NDUFA10: variants seen among roughly 807,000 people sequenced by gnomAD.
The protein encoded by NDUFA10 is NADH:ubiquinone oxidoreductase subunit A10.
A neutral mutation model predicts 47.8 loss-of-function variants in NDUFA10; 40 were observed. The ratio of observed to expected loss-of-function variants is 0.84; its 90% CI spans 0.65 to 1.09. The LOEUF (loss-of-function observed/expected upper bound fraction) is 1.09. Ranked by LOEUF, NDUFA10 falls within the 50% of genes least tolerant of loss-of-function variation. NDUFA10 has a pLI of 0.00. For synonymous variants in NDUFA10, 183 were observed against 172.2 expected (o/e 1.06, Z -0.49); for missense variants, 413 against 451.1 (o/e 0.92, Z 0.76).
Position 239,960,024 on chromosome 2 carries a change from C to T in NDUFA10, c.*1094G>A, listed in dbSNP as rs1328154740. On this transcript the variant is annotated 3_prime_UTR_variant, in exon 10 of 10. Coordinates refer to ENST00000252711, the MANE Select transcript of NDUFA10 (RefSeq NM_004544.4). ...TGGAGTGCCTGAACTATGGCCAGTG[C>T]AACCAAGGAACCCAATTTTAAACTC... The T allele has an allele frequency of 4.1e-6, 4 of 984,594 alleles. No individual in the cohort carries two copies. The African/African-American group carries it at 7.0e-5, about 17-fold the overall frequency. 61.0% of individuals were successfully genotyped at this position (984,594 alleles called of 1,614,324 possible). A position where few individuals can be genotyped will look rare whatever the true frequency, so the allele number is the denominator to read the frequency against.
At chr2:239,981,869 C>T (rs1695790408) in intron 9 of NDUFA10, among the ~76,000 whole-genome samples, 1 of 151,570 alleles carries the variant, frequency 6.6e-6, no homozygotes, top group African/African-American at 2.4e-5. Flanking sequence ...ATGTTAATGG[C>T]AGAATTTGGC....
intron 4 of NDUFA10, among the ~76,000 whole-genome samples, chr2:239,895,688 A>G (rs1693381700): frequency 1.3e-5 from 2 of 152,262 alleles, no homozygotes; most frequent in African/African-American, 4.8e-5. Context: ...CAAATATAAA[A>G]GCATTAGATC....
downstream of NDUFA10, among the ~76,000 whole-genome samples, chr2:239,954,516 G>A (rs1021681288): frequency 6.6e-6 from 1 of 152,246 alleles, no homozygotes; most frequent in African/African-American, 2.4e-5. Context: ...CCAGCTTTCT[G>A]AGCCAAGGAC....
chr2:240,003,639 C>A (rs1197515152), intron 8 of NDUFA10, among the ~76,000 whole-genome samples: 2 of 152,256 alleles, frequency 1.3e-5, no homozygotes, highest in African/African-American at 2.4e-5. Context: ...AACAGCACTT[C>A]TCATTACAAA....
At chr2:239,992,560 C>A (rs1240135475) in intron 8 of NDUFA10, among the ~76,000 whole-genome samples, 1 of 152,104 alleles carries the variant, frequency 6.6e-6, no homozygotes, top group South Asian at 2.1e-4. Context: ...GTTAAAAAGA[C>A]GTGCTCCAGG....
At chr2:239,939,981 G>A (rs568314877) in intron 4 of NDUFA10, among the ~76,000 whole-genome samples, 10 of 152,352 alleles carry the variant, frequency 6.6e-5, no homozygotes, top group African/African-American at 1.7e-4. Context: ...AGCTCAGCCC[G>A]GGGAAGGGTC....
chr2:239,960,679 C>T lies in NDUFA10; in HGVS notation c.*439G>A, dbSNP rs924803692. The stretch of plus-strand genomic sequence containing the variant: ...CCACACCAAACAGGGCCCAGAGCAG[C>T]GTGTGTGCACGTGTGCAGTTTCGAC... On this transcript the variant is annotated 3_prime_UTR_variant, in exon 10 of 10. Coordinates refer to ENST00000252711, the MANE Select transcript of NDUFA10 (RefSeq NM_004544.4). The T allele has an allele frequency of 1.1e-5, 12 of 1,121,050 alleles. No individual in the cohort carries two copies. Among genetic ancestry groups the T allele is most frequent in the African/African-American group, 4.8e-5 (3 of 62,086 alleles). 69.4% of individuals were successfully genotyped at this position (1,121,050 alleles called of 1,614,324 possible).
At chr2:239,899,396 A>G (rs376352034) in intron 4 of NDUFA10, among the ~76,000 whole-genome samples, 3 of 72,464 alleles carry the variant, frequency 4.1e-5, no homozygotes, top group South Asian at 6.0e-4. Context: ...TGTGGTGGAG[A>G]GGTATGATGC....
intron 6 of NDUFA10, among the ~76,000 whole-genome samples, chr2:240,008,650 T>G (rs1014637641): frequency 6.6e-6 from 1 of 152,238 alleles, no homozygotes; most frequent in African/African-American, 2.4e-5. Flanking sequence ...TTTGACATAT[T>G]TGCACAAGAG....
rs183181134 is a variant in NDUFA10, at chr2:239,907,972, C to A, written c.295-12658G>T. Among the ~76,000 whole-genome samples, 1,312 of 152,250 alleles carry A rather than the reference C, an allele frequency of 8.6e-3. 28 individuals are homozygous for A. Among genetic ancestry groups the A allele is most frequent in the East Asian group, 0.082 (426 of 5,186 alleles). Reference sequence around the variant, plus strand: ...TGTATGTTTATTGCGGCACTATTCACAATAGCAAAGACTTGGAACCAACCC... The same window carrying A: ...TGTATGTTTATTGCGGCACTATTCAAAATAGCAAAGACTTGGAACCAACCC... On this transcript the variant is annotated intron_variant, in intron 4 of 5. Transcript: ENST00000419408.
At chr2:240,017,922 C>A in intron 4 of NDUFA10, 1 of 1,552,092 alleles carries the variant, frequency 6.4e-7, no homozygotes, top group Non-Finnish European at 8.7e-7. Context: ...ATGAAAATGC[C>A]GTCAGTCAGA....
intron 4 of NDUFA10, among the ~76,000 whole-genome samples, chr2:239,933,024 C>T (rs142553658): frequency 0.013 from 2,016 of 152,288 alleles, 49 homozygotes; most frequent in African/African-American, 0.044. Context: ...GACGGCAGCC[C>T]GTGTAGGTTG....
intron 6 of NDUFA10, among the ~76,000 whole-genome samples, chr2:240,008,875 T>G (rs941523786): frequency 6.6e-6 from 1 of 152,212 alleles, no homozygotes; most frequent in African/African-American, 2.4e-5. Flanking sequence ...CCATTCAGCA[T>G]GCTAACAACC....
chr2:239,918,080 A>T (rs1479347509), intron 4 of NDUFA10, among the ~76,000 whole-genome samples: 1 of 152,170 alleles, frequency 6.6e-6, no homozygotes, highest in African/African-American at 2.4e-5. Flanking sequence ...CCTCAGGGGA[A>T]GGGCCTCTGT....
Position 240,022,183 on chromosome 2 carries a change from G to C in NDUFA10, c.233C>G (p.Ala78Gly). The stretch of plus-strand genomic sequence containing the variant: ...ACATAAAATCATACCTAGTTTCTCT[G>C]CTATTTCTTTTGCAAGTTTGCCTTT... ...TGKGKLAKEIAEKLGFKHFPE... is the reference protein window; with the variant it reads ...TGKGKLAKEIGEKLGFKHFPE... Residue 78 changes from alanine to glycine, a missense_variant, in exon 2 of 10, where the codon GCA becomes GGA. By Grantham distance (60) the Ala-to-Gly change is moderately conservative (BLOSUM62 0). Transcript: ENST00000252711. The C allele has an allele frequency of 6.2e-7, 1 of 1,610,246 alleles. No homozygotes were observed. The highest frequency in any genetic ancestry group is 8.5e-7 in the Non-Finnish European group (1 of 1,176,516).
chr2:240,023,835 T>C (rs1258902888), intron 1 of NDUFA10, among the ~76,000 whole-genome samples: 1 of 152,212 alleles, frequency 6.6e-6, no homozygotes, highest in Non-Finnish European at 1.5e-5. Context: ...GGGCAAAAGA[T>C]GTAAACACCT....
intron 8 of NDUFA10, among the ~76,000 whole-genome samples, chr2:239,999,766 G>A (rs1356003764): frequency 1.3e-5 from 2 of 152,212 alleles, no homozygotes; most frequent in South Asian, 2.1e-4. Flanking sequence ...GAAATGTTAC[G>A]GCAAATTCAC....
downstream of NDUFA10, among the ~76,000 whole-genome samples, chr2:239,956,569 G>C (rs939778451): frequency 3.3e-5 from 5 of 152,234 alleles, no homozygotes; most frequent in Admixed American, 3.3e-4. Flanking sequence ...GTTGCTCCTG[G>C]AGTCGGGACG....
chr2:240,007,205 C>G, intron 7 of NDUFA10, 111 bp downstream of exon 7: 2 of 821,374 alleles, frequency 2.4e-6, no homozygotes, highest in Non-Finnish European at 4.1e-6. Context: ...GGTGATAAAA[C>G]AGTGATGTTT....
Sources: allele counts gnomAD v4.1 joint callset (sites outside exome capture counted in the v4.1 genomes callset), GRCh38; gene constraint gnomAD v4.1.1; transcripts MANE v1.5; gene names NCBI Gene and HGNC (gene_info 2026-07-23, HGNC 2026-07-21).